Variants in ALS2CL observed in about 807,000 individuals in gnomAD.
ALS2CL encodes ALS2 C-terminal like.
A neutral mutation model predicts 127.9 loss-of-function variants in ALS2CL; 112 were observed. The observed-to-expected ratio is 0.88, with a 90% CI of 0.75 to 1.02. The LOEUF is 1.02. ALS2CL is among the 50% of genes least tolerant of loss of function. The pLI is 0.00. For missense variants in ALS2CL, 1,174 were observed against 1,236.7 expected, an observed-to-expected ratio of 0.95 and a Z score of 0.76; for synonymous variants, 519 against 527.6, an observed-to-expected ratio of 0.98 and a Z score of 0.22.
rs1699753580 is a variant in ALS2CL at position 46,686,156 on chromosome 3, G to A, written c.666+152C>T. 1.7e-6 allele frequency: 2 copies of A among 1,195,448 alleles called. No homozygotes were observed. Among genetic ancestry groups the A allele is most frequent in the Non-Finnish European group, 1.1e-6 (1 of 873,446 alleles). 74.1% of individuals were successfully genotyped at this position (1,195,448 alleles called of 1,614,324 possible). On this transcript the variant is annotated intron_variant, in intron 6 of 25. Transcript: ENST00000318962. The surrounding 1 kb of genome is among the most constrained non-coding windows in gnomAD (Gnocchi z 4.3). ...AGACAGATAAGAATGGCTGGACAGA[G>A]GGACCTTACAGCCACCTGCTTCAGC...
intron 20 of ALS2CL, chr3:46,675,217 G>T (rs889509379): frequency 4.6e-6 from 1 of 217,136 alleles, no homozygotes; most frequent in Non-Finnish European, 9.1e-6. Flanking sequence ...AAATTGTAAG[G>T]TTTGCTCCAG....
chr3:46,677,114 A>G (rs1338504392), intron 16 of ALS2CL, 92 bp from the exon 17 acceptor site: 1 of 1,502,538 alleles, frequency 6.7e-7, no homozygotes, highest in African/African-American at 1.4e-5. Flanking sequence ...GGGTGGGGGT[A>G]TGAGCCTGGC....
intron 20 of ALS2CL, 29 bp from the exon 21 acceptor site, chr3:46,674,768 T>A (rs1283844003): frequency 1.9e-6 from 3 of 1,564,036 alleles, no homozygotes; most frequent in Non-Finnish European, 2.6e-6. Flanking sequence ...CAGGTTGGGA[T>A]GAGCAAGGTG....
Position 46,675,626 on chromosome 3 carries a change from T to G in ALS2CL, c.2247A>C (p.Thr749=). ...KGQALEEDED[T]ETRDLQVHGL... ...AGACCTGCGCCAGTCACCTTGTCTCTGTGTCTTCATCCTCCTCCAGGGCCT... is the reference window on the plus strand; with the variant it reads ...AGACCTGCGCCAGTCACCTTGTCTCGGTGTCTTCATCCTCCTCCAGGGCCT... Residue 749 remains threonine (T), a synonymous_variant, in exon 20 of 26, where the codon ACA becomes ACC. Coordinates refer to ENST00000318962, the MANE Select transcript of ALS2CL (RefSeq NM_147129.5). 6.2e-7 allele frequency: 1 copy of G among 1,613,776 alleles called. No individual in the cohort carries two copies. The highest frequency in any genetic ancestry group is 1.7e-5 in the Admixed American group (1 of 60,010).
chr3:46,693,532 G>A (rs1700294124), intron 1 of ALS2CL, 111 bp downstream of exon 1: 1 of 152,350 alleles, frequency 6.6e-6, no homozygotes, highest in African/African-American at 2.4e-5. Flanking sequence ...CGGGACCAAG[G>A]AGCTGGGCGG....
In ALS2CL at chr3:46,688,166, C is replaced by T. The variant is rs748914656; in HGVS notation, c.234G>A (p.Pro78=). Residue 78 remains proline (P), a synonymous_variant, in exon 3 of 26, where the codon CCG becomes CCA. Coordinates refer to ENST00000318962, the MANE Select transcript of ALS2CL (RefSeq NM_147129.5). The stretch of plus-strand genomic sequence containing the variant: ...GCAGGGACTCCAGACCGGTGGAGTC[C>T]GGGTAACGCAGCCTCTCCTGCAGTG... The part of the protein sequence containing the change: ...LHSLQERLRY[P]DSTGLESLLL... The T allele has an allele frequency of 1.1e-5, 17 of 1,613,040 alleles. No individual in the cohort carries two copies. The South Asian group carries it at 1.2e-4, about 11-fold the overall frequency.
intron 1 of ALS2CL, among the ~76,000 whole-genome samples, chr3:46,690,640 G>A (rs112173613): frequency 5.9e-5 from 9 of 152,328 alleles, no homozygotes; most frequent in East Asian, 1.9e-4. Context: ...TATCTGGGGC[G>A]GAGAGTTAGA....
At chr3:46,689,627 A>C (rs1367522091) in intron 1 of ALS2CL, among the ~76,000 whole-genome samples, 162 bp from the exon 2 acceptor site, 1 of 152,148 alleles carries the variant, frequency 6.6e-6, no homozygotes, top group Non-Finnish European at 1.5e-5. Context: ...CTGGCCACTG[A>C]CCTCTGCCCT....
At chr3:46,674,001 T>G (rs1698611408) in intron 21 of ALS2CL, among the ~76,000 whole-genome samples, 1 of 152,070 alleles carries the variant, frequency 6.6e-6, no homozygotes, top group Non-Finnish European at 1.5e-5. Flanking sequence ...AGAAAGGACA[T>G]TTTGGAGACT....
In ALS2CL at chr3:46,672,218, G is replaced by T. The variant is rs774585446; in HGVS notation, c.2473-17C>A. ...GGAGTACCTCTGCATGGTGGAGGGA[G>T]TGGGCTGGATGAGGCCATGGCCCCC... On this transcript the variant is annotated splice_polypyrimidine_tract_variant and intron_variant, in intron 22 of 25. Transcript: ENST00000318962. 1 of 1,613,888 alleles carries T rather than the reference G, an allele frequency of 6.2e-7. No individual in the cohort carries two copies. The highest frequency in any genetic ancestry group is 1.1e-5 in the South Asian group (1 of 91,048).
intron 24 of ALS2CL, 144 bp from the exon 25 acceptor site, chr3:46,671,728 C>T (rs1201963594): frequency 2.2e-5 from 34 of 1,527,696 alleles, no homozygotes; most frequent in African/African-American, 2.8e-5. Context: ...CCCCAGCACC[C>T]TGGCTGGGAC....
At chr3:46,692,152 T>C (rs986051799) in intron 1 of ALS2CL, among the ~76,000 whole-genome samples, 1 of 151,988 alleles carries the variant, frequency 6.6e-6, no homozygotes, top group Non-Finnish European at 1.5e-5. Context: ...AAGGCCGCAG[T>C]GGAAGCTGGG....
rs116141680 is a variant in ALS2CL, at chr3:46,675,264, C to T, written c.2255+354G>A. 1.4e-3 allele frequency: 361 copies of T among 257,864 alleles called. 1 individual carries two copies. The highest frequency in any genetic ancestry group is 7.6e-3 in the African/African-American group (340 of 44,928). 16.0% of individuals were successfully genotyped at this position (257,864 alleles called of 1,614,324 possible). On this transcript the variant is annotated intron_variant, in intron 20 of 25. Coordinates refer to ENST00000318962, the MANE Select transcript of ALS2CL (RefSeq NM_147129.5). ...AACAAATTTCATGCCCACCTAACTCCTGTATAACCTCAGGCTCATCCCTAC... is the reference window on the plus strand; with the variant it reads ...AACAAATTTCATGCCCACCTAACTCTTGTATAACCTCAGGCTCATCCCTAC...
Position 46,677,005 on chromosome 3 carries a change from G to T in ALS2CL, c.1775C>A (p.Ala592Asp), listed in dbSNP as rs776522836. The T allele has an allele frequency of 6.2e-7, 1 of 1,608,272 alleles. No individual in the cohort carries two copies. Among genetic ancestry groups the T allele is most frequent in the Non-Finnish European group, 8.5e-7 (1 of 1,177,168 alleles). Residue 592 changes from alanine (A) to aspartate (D), a missense_variant, in exon 17 of 26, where the codon GCC (alanine) becomes GAC (aspartate). Physicochemically the swap from Ala to Asp is moderately radical, Grantham distance 126. Transcript: ENST00000318962. ...STCKRQLGVG[A>D]FPVESRWQGV... ...CTGCCAGCGGCTTTCCACGGGGAAG[G>T]CACCCACGCCCAGCTGCCTGCGATG...
At chr3:46,672,074 C>G in intron 23 of ALS2CL, 41 bp from the exon 24 acceptor site, 1 of 1,614,108 alleles carries the variant, frequency 6.2e-7, no homozygotes. Context: ...GCCCTTGGTT[C>G]AGTCCCAACC....
rs753092405 is a variant in ALS2CL at position 46,685,590 on chromosome 3, C to G, written c.721G>C (p.Val241Leu). 1.9e-6 allele frequency: 3 copies of G among 1,613,918 alleles called. No homozygotes were observed. The highest frequency in any genetic ancestry group is 2.7e-5 in the African/African-American group (2 of 74,922). The change falls in exon 7 of 26, where the codon GTG (valine) becomes CTG (leucine). Residue 241 changes from valine (V) to leucine (L), a missense_variant. Transcript: ENST00000318962. ...TCAGCCCGCAACGGTGCGACCGTCACGGGTACGTCCTGGCTGTCCTGAAGG... is the reference window on the plus strand; with the variant it reads ...TCAGCCCGCAACGGTGCGACCGTCAGGGGTACGTCCTGGCTGTCCTGAAGG... The part of the protein sequence containing the change: ...RLLQDSQDVP[V>L]TVAPLRAERV...
Position 46,670,870 on chromosome 3 carries a change from C to T in ALS2CL, c.*114G>A. 2 of 1,105,534 alleles carry T rather than the reference C, an allele frequency of 1.8e-6. No individual in the cohort carries two copies. The highest frequency in any genetic ancestry group is 2.7e-6 in the Non-Finnish European group (2 of 739,286). 68.5% of individuals were successfully genotyped at this position (1,105,534 alleles called of 1,614,324 possible). Reference sequence around the variant, plus strand: ...GCATCTTCCTGTGCAAAACAAAATGCTCATCTCCTCCAAGAGCTGCTTCTG... The same window carrying T: ...GCATCTTCCTGTGCAAAACAAAATGTTCATCTCCTCCAAGAGCTGCTTCTG... On this transcript the variant is annotated 3_prime_UTR_variant, in exon 26 of 26. Coordinates refer to ENST00000318962, the MANE Select transcript of ALS2CL (RefSeq NM_147129.5). This position sits in a 1 kb window ranked among gnomAD's most constrained non-coding sequence, Gnocchi z 5.5.
rs564912464 is a variant in ALS2CL, at chr3:46,672,121, C to G, written c.2534+19G>C. 6.2e-7 allele frequency: 1 copy of G among 1,614,182 alleles called. No homozygotes were observed. Among genetic ancestry groups the G allele is most frequent in the East Asian group, 2.2e-5 (1 of 44,880 alleles). ...ACACTCTGCCTCCGGACCCCCAACC[C>G]ACTACGGCTCACACTCACATGATCT... On this transcript the variant is annotated intron_variant, in intron 23 of 25. Coordinates refer to ENST00000318962, the MANE Select transcript of ALS2CL (RefSeq NM_147129.5).
chr3:46,689,339 G>GAA lies in ALS2CL; in HGVS notation c.101_102insTT (p.Ala35SerfsTer30), dbSNP rs1700011643. 7 of 1,612,654 alleles carry GAA rather than the reference G, an allele frequency of 4.3e-6. No individual in the cohort carries two copies. Among genetic ancestry groups the GAA allele is most frequent in the Non-Finnish European group, 4.2e-6 (5 of 1,179,814 alleles). The stretch of plus-strand genomic sequence containing the variant: ...CCCCACTAGAAAGCCTAGACTCACC[G>GAA]GCTGGGAGCAGGGGCTGGAGGACAA... On this transcript the variant is annotated frameshift_variant and splice_region_variant, in exon 2 of 26. Transcript: ENST00000318962. LOFTEE classifies it high-confidence loss of function.
Sources: gnomAD v4.1 joint callset for allele counts (sites outside exome capture counted in the v4.1 genomes callset) on GRCh38, gnomAD v4.1.1 for gene constraint, Gnocchi (gnomAD v3.1) non-coding constraint, MANE v1.5 for transcripts, NCBI Gene and HGNC (gene_info 2026-07-23, HGNC 2026-07-21) for gene names.